DGKB: variants seen among roughly 807,000 people sequenced by gnomAD.
The protein encoded by DGKB is diacylglycerol kinase beta.
Under a neutral mutation model 114.3 loss-of-function variants are expected in DGKB, and 67 were observed. That is an observed-to-expected ratio of 0.59 (90% confidence interval 0.48 to 0.72). DGKB has a LOEUF of 0.72. Among genes scored for constraint, DGKB ranks in the 30% least tolerant of loss-of-function variants. The probability of loss-of-function intolerance (pLI) is 0.00; values close to 1 mark genes in which losing one functional copy is unlikely to be tolerated. For synonymous variants in DGKB, 398 were observed against 323.1 expected (o/e 1.23, Z -2.49); for missense variants, 907 against 975.2 (o/e 0.93, Z 0.93).
At chr7:14,313,877 C>T (rs1381999272) in intron 23 of DGKB, among the ~76,000 whole-genome samples, 6 of 152,116 alleles carry the variant, frequency 3.9e-5, no homozygotes, top group East Asian at 1.9e-4. Context: ...GACTTAAATG[C>T]CCCTGTCTGA....
At chr7:14,445,480 A>C (rs1830605657) in intron 21 of DGKB, among the ~76,000 whole-genome samples, 2 of 151,950 alleles carry the variant, frequency 1.3e-5, no homozygotes, top group African/African-American at 4.8e-5. Context: ...TATTTGCCTA[A>C]ATTATTTCAA....
rs192367249 is a variant in DGKB, at chr7:14,225,353, T to C, written c.2123-47202A>G. Among the ~76,000 whole-genome samples, 785 of 152,146 alleles carry C rather than the reference T, an allele frequency of 5.2e-3. 11 individuals carry two copies. Among genetic ancestry groups the C allele is most frequent in the African/African-American group, 0.018 (747 of 41,538 alleles). ...AGATTTTCTTGACTACATATTTATT[T>C]ATTTATTCATTACATGATCCATGTG... is the stretch of plus-strand genomic sequence containing the variant. On this transcript the variant is annotated intron_variant, in intron 23 of 25. Transcript: ENST00000402815.
intron 1 of DGKB, among the ~76,000 whole-genome samples, chr7:14,883,954 G>C (rs1426679977): frequency 6.6e-6 from 1 of 151,938 alleles, no homozygotes; most frequent in Non-Finnish European, 1.5e-5. Flanking sequence ...ACTTATCACA[G>C]TGACAGCCAA....
At chr7:14,316,737 C>A (rs1165774714) in intron 23 of DGKB, among the ~76,000 whole-genome samples, 1 of 150,930 alleles carries the variant, frequency 6.6e-6, no homozygotes, top group Non-Finnish European at 1.5e-5. Flanking sequence ...CCTTCTGAAA[C>A]TATTCCAATC....
At chr7:14,367,746 A>G (rs1816919435) in intron 21 of DGKB, among the ~76,000 whole-genome samples, 1 of 152,080 alleles carries the variant, frequency 6.6e-6, no homozygotes, top group African/African-American at 2.4e-5. Context: ...GAAGAAACTT[A>G]TAATCATGGT....
intron 20 of DGKB, among the ~76,000 whole-genome samples, chr7:14,526,940 C>G (rs922382162): frequency 6.6e-6 from 1 of 152,090 alleles, no homozygotes; most frequent in African/African-American, 2.4e-5. Flanking sequence ...GGGTTTACAC[C>G]TATATGCTTA....
intron 13 of DGKB, among the ~76,000 whole-genome samples, chr7:14,660,566 T>C (rs895375700): frequency 1.8e-4 from 27 of 151,950 alleles, no homozygotes; most frequent in African/African-American, 5.3e-4. Context: ...GGTGGTGATA[T>C]CCCCTTTATC....
rs62443660 is a variant in DGKB at position 14,258,432 on chromosome 7, G to C, written c.2122+80083C>G. ...TTTGTTGACTAGGAGAATAATTAAA[G>C]ACATGTTTTCAAAGACTACAGATGA... On this transcript the variant is annotated intron_variant, in intron 23 of 25. Coordinates refer to ENST00000402815, the MANE Select transcript of DGKB (RefSeq NM_001350709.2). Among the ~76,000 whole-genome samples the C allele has an allele frequency of 3.6e-3, 552 of 152,300 alleles. 1 individual carries two copies. The highest frequency in any genetic ancestry group is 0.01 in the Middle Eastern group (3 of 292).
intron 13 of DGKB, 107 bp from the exon 14 acceptor site, chr7:14,630,375 T>A: frequency 1.5e-6 from 1 of 669,052 alleles, no homozygotes; most frequent in Non-Finnish European, 2.4e-6. Flanking sequence ...ATGAGTAAAT[T>A]AAAAATACAT....
intron 5 of DGKB, among the ~76,000 whole-genome samples, chr7:14,732,148 T>C (rs1284920016): frequency 6.6e-6 from 1 of 152,104 alleles, no homozygotes; most frequent in Non-Finnish European, 1.5e-5. Context: ...CTAAATGTTT[T>C]GCTTTTACTA....
At chr7:14,315,232 C>T (rs1806244895) in intron 23 of DGKB, among the ~76,000 whole-genome samples, 1 of 149,242 alleles carries the variant, frequency 6.7e-6, no homozygotes, top group Admixed American at 6.7e-5. Context: ...AACTAACGAG[C>T]AAAATCACCA....
intron 21 of DGKB, among the ~76,000 whole-genome samples, chr7:14,369,715 C>T (rs1171804364): frequency 1.3e-5 from 2 of 152,126 alleles, no homozygotes; most frequent in Non-Finnish European, 2.9e-5. Flanking sequence ...ACATAAATGT[C>T]CTCTTTTGAG....
chr7:14,177,198 A>T (rs906233130), intron 24 of DGKB, among the ~76,000 whole-genome samples: 1 of 152,104 alleles, frequency 6.6e-6, no homozygotes, highest in Non-Finnish European at 1.5e-5. Flanking sequence ...CTACAGCCAA[A>T]AGAGATTCCT....
At chr7:14,627,586 C>CTA in intron 14 of DGKB, among the ~76,000 whole-genome samples, 1 of 149,110 alleles carries the variant, frequency 6.7e-6, no homozygotes, top group East Asian at 2.0e-4. Context: ...ATGTCTGTGT[C>CTA]TGTGTGTGTG....
chr7:14,400,343 C>T (rs539759447), intron 21 of DGKB, among the ~76,000 whole-genome samples: 56 of 151,794 alleles, frequency 3.7e-4, no homozygotes, highest in African/African-American at 1.3e-3. Flanking sequence ...AATAAAAATT[C>T]GAGTATTTCA....
intron 20 of DGKB, among the ~76,000 whole-genome samples, chr7:14,527,023 C>T (rs1790759937): frequency 6.6e-6 from 1 of 152,124 alleles, no homozygotes; most frequent in Non-Finnish European, 1.5e-5. Context: ...TAAATATCCT[C>T]AGCATTTATA....
At chr7:14,342,997 G>A (rs980326473) in intron 22 of DGKB, among the ~76,000 whole-genome samples, 1 of 151,650 alleles carries the variant, frequency 6.6e-6, no homozygotes, top group Non-Finnish European at 1.5e-5. Flanking sequence ...ATAATTTTAG[G>A]ACAAATAGGA....
At chr7:14,165,630 G>C (rs1208953551) in intron 25 of DGKB, among the ~76,000 whole-genome samples, 9 of 152,158 alleles carry the variant, frequency 5.9e-5, no homozygotes, top group Non-Finnish European at 8.8e-5. Context: ...TGGGAAAAAA[G>C]TGATCAACGG....
chr7:14,696,671 G>A (rs993644359), intron 8 of DGKB, among the ~76,000 whole-genome samples: 1 of 152,140 alleles, frequency 6.6e-6, no homozygotes, highest in Admixed American at 6.5e-5. Context: ...AAGGGCAACA[G>A]AAATAATCAG....
Sources: gnomAD v4.1 joint callset for allele counts (sites outside exome capture counted in the v4.1 genomes callset) on GRCh38, gnomAD v4.1.1 for gene constraint, MANE v1.5 for transcripts, NCBI Gene and HGNC (gene_info 2026-07-23, HGNC 2026-07-21) for gene names.